The following GRM7 variants were observed in gnomAD, a reference collection of about 807,000 sequenced individuals.
The protein encoded by GRM7 is metabotropic glutamate receptor 7.
GRM7 carries 35 observed loss-of-function variants against 84.5 expected under a neutral mutation model. The ratio of observed to expected loss-of-function variants is 0.41; its 90% CI spans 0.32 to 0.55. The LOEUF (loss-of-function observed/expected upper bound fraction) is 0.55. Among genes scored for constraint, GRM7 ranks in the 20% least tolerant of loss-of-function variants. The probability of loss-of-function intolerance (pLI) is 0.19; values close to 1 mark genes in which losing one functional copy is unlikely to be tolerated. For synonymous variants in GRM7, 487 were observed against 455.1 expected (o/e 1.07, Z -0.89); for missense variants, 1,003 against 1,194.6 (o/e 0.84, Z 2.36).
chr3:7,248,790 A>G (rs1697870269), intron 2 of GRM7, among the ~76,000 whole-genome samples: 1 of 152,068 alleles, frequency 6.6e-6, no homozygotes, highest in Non-Finnish European at 1.5e-5. Context: ...TCACCTATAT[A>G]AGAGACTTAT....
At chr3:7,738,407 G>A (rs1702575157) in intron 9 of GRM7, among the ~76,000 whole-genome samples, 1 of 152,078 alleles carries the variant, frequency 6.6e-6, no homozygotes, top group South Asian at 2.1e-4. Flanking sequence ...AGGCCACAGA[G>A]AACACAAGAA....
chr3:7,101,882 A>G (rs974476056), intron 1 of GRM7, among the ~76,000 whole-genome samples: 6 of 150,472 alleles, frequency 4.0e-5, no homozygotes, highest in African/African-American at 9.7e-5. Flanking sequence ...AAAGATGACA[A>G]TTGGCATCCT....
At chr3:7,148,807 G>T (rs1326117527) in intron 2 of GRM7, among the ~76,000 whole-genome samples, 1 of 152,170 alleles carries the variant, frequency 6.6e-6, no homozygotes, top group East Asian at 1.9e-4. Flanking sequence ...AGCCATTTTG[G>T]ATGAAATCTT....
At chr3:7,618,283 T>A (rs1287970165) in intron 8 of GRM7, among the ~76,000 whole-genome samples, 1 of 152,098 alleles carries the variant, frequency 6.6e-6, no homozygotes, top group Admixed American at 6.6e-5. Flanking sequence ...TTAGGTAGGG[T>A]TAGTGTGATC....
At chr3:6,958,319 A>G (rs1006042580) in intron 1 of GRM7, among the ~76,000 whole-genome samples, 18 of 151,936 alleles carry the variant, frequency 1.2e-4, no homozygotes, top group African/African-American at 3.4e-4. Context: ...TGTGTTATCA[A>G]TAGTTTACTC....
intron 1 of GRM7, among the ~76,000 whole-genome samples, chr3:7,119,133 G>GC (rs2125042137): frequency 6.6e-6 from 1 of 152,002 alleles, no homozygotes; most frequent in East Asian, 1.9e-4. Context: ...CTATGAGTGT[G>GC]CGTGTTTGTG....
chr3:7,312,461 A>G (rs1312821631), intron 4 of GRM7, among the ~76,000 whole-genome samples: 1 of 152,120 alleles, frequency 6.6e-6, no homozygotes, highest in African/African-American at 2.4e-5. Context: ...CATGTGGGAA[A>G]GTGTCCCTGG....
intron 4 of GRM7, among the ~76,000 whole-genome samples, chr3:7,358,353 C>CACTCAGGCTGGAGTGCAGTGG (rs1553567485): frequency 1.3e-5 from 2 of 150,020 alleles, no homozygotes; most frequent in African/African-American, 2.5e-5. Context: ...TGGACTGAGT[C>CACTCAGGCTGGAGTGCAGTGG]CCAGGAGATC....
chr3:7,461,618 G>C lies in GRM7; in HGVS notation c.1411G>C (p.Gly471Arg). The C allele has an allele frequency of 6.2e-7, 1 of 1,612,478 alleles. No homozygotes were observed. The highest frequency in any genetic ancestry group is 8.5e-7 in the Non-Finnish European group (1 of 1,178,570). ...AGTPVMFNKN[G>R]DAPGRYDIFQ... The stretch of plus-strand genomic sequence containing the variant: ...CACTCCAGTGATGTTTAACAAGAAC[G>C]GGGATGCACCTGGGCGTTATGACAT... The change falls in exon 7 of 10, where the codon GGG (glycine) becomes CGG (arginine). Residue 471 changes from glycine (G) to arginine (R), a missense_variant. Around this residue, in one of 2 missense-constraint regions of GRM7, gnomAD observed 910 missense variants for 1,126.0 expected, o/e 0.81. Coordinates refer to ENST00000357716, the MANE Select transcript of GRM7 (RefSeq NM_000844.4).
At chr3:7,647,663 T>C (rs138282540) in intron 8 of GRM7, among the ~76,000 whole-genome samples, 2 of 152,190 alleles carry the variant, frequency 1.3e-5, no homozygotes, top group Non-Finnish European at 2.9e-5. Context: ...ACTAGGAGTC[T>C]TCTAGGTGAC....
chr3:7,585,639 A>G (rs1423080746), intron 8 of GRM7, among the ~76,000 whole-genome samples: 1 of 151,986 alleles, frequency 6.6e-6, no homozygotes, highest in African/African-American at 2.4e-5. Flanking sequence ...TCTTCCTGCC[A>G]CCTCCCGTGG....
chr3:6,923,042 G>T (rs374943848), intron 1 of GRM7, among the ~76,000 whole-genome samples: 7 of 151,760 alleles, frequency 4.6e-5, no homozygotes, highest in African/African-American at 1.5e-4. Flanking sequence ...TTGCAACGGA[G>T]TCTTGCTCTG....
chr3:7,695,962 T>C (rs996219411), intron 9 of GRM7, among the ~76,000 whole-genome samples: 2 of 152,186 alleles, frequency 1.3e-5, no homozygotes, highest in Admixed American at 6.5e-5. Flanking sequence ...TCAGTTGCAC[T>C]AGTTAGATTT....
chr3:7,473,488 G>GA lies in GRM7; in HGVS notation c.1515+11766_1515+11767insA. ...AAGACTCTGTCTCTTAAAAACGAGA[G>GA]GGAGAGAGAGAGAGAGAGAGAGAGA... On this transcript the variant is annotated intron_variant, in intron 7 of 9. Transcript: ENST00000357716. Among the ~76,000 whole-genome samples the GA allele has an allele frequency of 4.7e-5, 5 of 107,098 alleles. No homozygotes were observed. The South Asian group carries it at 1.1e-3, about 23-fold the overall frequency. 70.3% of individuals were successfully genotyped at this position (107,098 alleles called of 152,430 possible). A position where few individuals can be genotyped will look rare whatever the true frequency, so the allele number is the denominator to read the frequency against.
chr3:7,301,024 C>A (rs558583491), intron 3 of GRM7, among the ~76,000 whole-genome samples: 2 of 152,096 alleles, frequency 1.3e-5, no homozygotes, highest in South Asian at 4.1e-4. Context: ...TTTTTCTGAA[C>A]TTCCTGGTGA....
At chr3:7,704,510 G>GA (rs544811088) in intron 9 of GRM7, among the ~76,000 whole-genome samples, 6 of 151,706 alleles carry the variant, frequency 4.0e-5, no homozygotes, top group Non-Finnish European at 7.4e-5. Flanking sequence ...CTCTTTTATT[G>GA]AAAAAAATGT....
At chr3:7,636,746 C>A (rs1269421878) in intron 8 of GRM7, among the ~76,000 whole-genome samples, 1 of 152,110 alleles carries the variant, frequency 6.6e-6, no homozygotes, top group Non-Finnish European at 1.5e-5. Context: ...GTTTTGAGTG[C>A]TGGGTAAAAG....
chr3:6,994,790 A>C (rs1694775316), intron 1 of GRM7, among the ~76,000 whole-genome samples: 1 of 152,188 alleles, frequency 6.6e-6, no homozygotes, highest in Non-Finnish European at 1.5e-5. Context: ...AGGTGCTTTA[A>C]AAATAATTGT....
intron 7 of GRM7, among the ~76,000 whole-genome samples, chr3:7,468,612 T>C (rs779713): frequency 0.73 from 111,121 of 152,096 alleles, 40,649 homozygotes; most frequent in African/African-American, 0.79. Context: ...ATGGTTTGCC[T>C]GTGCCCCCAC....
Sources: allele counts gnomAD v4.1 joint callset (sites outside exome capture counted in the v4.1 genomes callset), GRCh38; gene constraint gnomAD v4.1.1; regional missense constraint gnomAD v4.1.1; transcripts MANE v1.5; gene names NCBI Gene and HGNC (gene_info 2026-07-23, HGNC 2026-07-21).